Variants in DNAJB6 observed in about 807,000 individuals in gnomAD.
DNAJB6 encodes DnaJ heat shock protein family (Hsp40) member B6.
Under a neutral mutation model 42.7 loss-of-function variants are expected in DNAJB6, and 16 were observed. The ratio of observed to expected loss-of-function variants is 0.37; its 90% CI spans 0.25 to 0.57. The LOEUF is 0.57. DNAJB6 is among the 20% of genes least tolerant of loss of function. DNAJB6 has a pLI of 0.74. For missense variants in DNAJB6, 347 were observed against 416.8 expected (o/e 0.83, Z 1.46); for synonymous variants, 170 against 163.5 (o/e 1.04, Z -0.30).
intron 8 of DNAJB6, among the ~76,000 whole-genome samples, chr7:157,401,687 G>C (rs889610786): frequency 2.0e-5 from 3 of 152,216 alleles, no homozygotes; most frequent in Admixed American, 6.5e-5. Flanking sequence ...ATGTGTCAAG[G>C]TGGGTGGAAC....
intron 1 of DNAJB6, 92 bp from the exon 2 acceptor site, chr7:157,358,455 A>C (rs1584895758): frequency 1.3e-6 from 1 of 779,832 alleles, no homozygotes; most frequent in Non-Finnish European, 2.2e-6. Flanking sequence ...CTAAGGTGAC[A>C]CCACCCCTTC....
intron 9 of DNAJB6, chr7:157,410,411 C>T (rs1383627316): frequency 1.4e-5 from 5 of 345,260 alleles, no homozygotes; most frequent in Non-Finnish European, 2.6e-5. Context: ...TCAGCTTCAC[C>T]TTCTCGTGCC....
chr7:157,393,860 CTT>C (rs5888715), intron 8 of DNAJB6, among the ~76,000 whole-genome samples: 6 of 151,718 alleles, frequency 4.0e-5, no homozygotes, highest in Non-Finnish European at 7.4e-5. Flanking sequence ...TCTCAGAAAA[CTT>C]TATTTCCTAA....
intron 8 of DNAJB6, among the ~76,000 whole-genome samples, chr7:157,406,839 G>A (rs1005904785): frequency 6.6e-6 from 1 of 152,318 alleles, no homozygotes; most frequent in East Asian, 1.9e-4. Flanking sequence ...AGTCTCAGCG[G>A]GGCCTTTTTC....
chr7:157,345,656 C>T (rs1798646670), intron 1 of DNAJB6, among the ~76,000 whole-genome samples: 3 of 152,044 alleles, frequency 2.0e-5, no homozygotes, highest in Admixed American at 2.0e-4. Context: ...GGCTTTTGTT[C>T]CTTGTGCTTT....
chr7:157,341,826 GAAA>G (rs1347134560), intron 1 of DNAJB6, among the ~76,000 whole-genome samples: 2 of 152,268 alleles, frequency 1.3e-5, no homozygotes, highest in South Asian at 4.2e-4. Flanking sequence ...AAGAAAGTTG[GAAA>G]AAATAAGTTT....
intron 8 of DNAJB6, among the ~76,000 whole-genome samples, chr7:157,407,964 C>T (rs1395885260): frequency 1.3e-5 from 2 of 152,168 alleles, no homozygotes; most frequent in Non-Finnish European, 2.9e-5. Context: ...GCTGTGTGTG[C>T]ATGGCGCCCG....
chr7:157,372,429 C>A (rs151329040), intron 5 of DNAJB6, among the ~76,000 whole-genome samples: 1 of 152,162 alleles, frequency 6.6e-6, no homozygotes, highest in Admixed American at 6.5e-5. Context: ...TGCGAGGAGC[C>A]GCTGAGTGAG....
rs746500959 is a variant in DNAJB6 at position 157,358,610 on chromosome 7, A to G, written c.38A>G (p.His13Arg). 5 of 1,613,740 alleles carry G rather than the reference A, an allele frequency of 3.1e-6. No homozygotes were observed. The highest frequency in any genetic ancestry group is 3.4e-6 in the Non-Finnish European group (4 of 1,179,722). The stretch of plus-strand genomic sequence containing the variant: ...TATGAAGTTCTAGGCGTGCAGAGAC[A>G]TGCCTCACCCGAGGATATTAAAAAG... ...DYYEVLGVQRHASPEDIKKAY... is the reference protein window; with the variant it reads ...DYYEVLGVQRRASPEDIKKAY... Residue 13 changes from histidine (H) to arginine (R), a missense_variant, in exon 2 of 10, where the codon CAT (histidine) becomes CGT (arginine). His to Arg is a conservative substitution (Grantham distance 29). Coordinates refer to ENST00000262177, the MANE Select transcript of DNAJB6 (RefSeq NM_058246.4).
At chr7:157,369,753 TTAACATTATTATTAAACAGGCCTTTCA>T (rs1330082082) in intron 5 of DNAJB6, among the ~76,000 whole-genome samples, 6 of 147,110 alleles carry the variant, frequency 4.1e-5, no homozygotes, top group South Asian at 2.1e-4. Flanking sequence ...AGGCCCCTTC[TTAACATTATTATTAAACAGGCCTTTCA>T]TAACATTATT....
At chr7:157,377,723 C>T (rs1800543920) in intron 5 of DNAJB6, among the ~76,000 whole-genome samples, 1 of 152,216 alleles carries the variant, frequency 6.6e-6, no homozygotes, top group South Asian at 2.1e-4. Flanking sequence ...CATCCAGAAT[C>T]ACCCAGAAGG....
chr7:157,389,870 G>A (rs1013559654), intron 8 of DNAJB6, among the ~76,000 whole-genome samples: 4 of 152,120 alleles, frequency 2.6e-5, no homozygotes, highest in African/African-American at 7.2e-5. Context: ...GGTATCAGTC[G>A]GTCTTACCTA....
chr7:157,395,244 C>T (rs922147800), intron 8 of DNAJB6, among the ~76,000 whole-genome samples: 1 of 152,134 alleles, frequency 6.6e-6, no homozygotes, highest in Non-Finnish European at 1.5e-5. Flanking sequence ...GGGGTTGGTG[C>T]TGGGCACATC....
chr7:157,341,585 A>G (rs908534492), intron 1 of DNAJB6, among the ~76,000 whole-genome samples: 3 of 152,174 alleles, frequency 2.0e-5, no homozygotes, highest in African/African-American at 7.2e-5. Context: ...TTGTGCATAT[A>G]TACGTGTGTG....
intron 2 of DNAJB6, among the ~76,000 whole-genome samples, chr7:157,359,121 G>C (rs1197468615): frequency 6.6e-6 from 1 of 152,180 alleles, no homozygotes; most frequent in African/African-American, 2.4e-5. Flanking sequence ...GAGGAGGGCA[G>C]TTCAGCCACA....
intron 5 of DNAJB6, among the ~76,000 whole-genome samples, chr7:157,371,515 G>A (rs1450899927): frequency 1.3e-5 from 2 of 152,214 alleles, no homozygotes; most frequent in African/African-American, 2.4e-5. Context: ...TGTGGAACCC[G>A]TCCTTTACAG....
chr7:157,360,336 A>G (rs1799517603), intron 2 of DNAJB6, among the ~76,000 whole-genome samples: 1 of 152,164 alleles, frequency 6.6e-6, no homozygotes, highest in Non-Finnish European at 1.5e-5. Flanking sequence ...ACTAGTCCCC[A>G]TGATTCAGTT....
intron 5 of DNAJB6, among the ~76,000 whole-genome samples, chr7:157,377,921 A>G (rs899949024): frequency 3.3e-5 from 5 of 152,114 alleles, no homozygotes; most frequent in African/African-American, 9.7e-5. Context: ...CAGACAACCA[A>G]CAGTGCACTA....
At chr7:157,394,742 T>G (rs1801502442) in intron 8 of DNAJB6, among the ~76,000 whole-genome samples, 2 of 152,124 alleles carry the variant, frequency 1.3e-5, no homozygotes, top group African/African-American at 2.4e-5. Context: ...TTCCCTCTTG[T>G]GAAGAAGCAA....
Sources: allele counts gnomAD v4.1 joint callset (sites outside exome capture counted in the v4.1 genomes callset), GRCh38; gene constraint gnomAD v4.1.1; transcripts MANE v1.5; gene names NCBI Gene and HGNC (gene_info 2026-07-23, HGNC 2026-07-21).